Variants in SLC9A8 observed in about 807,000 individuals in gnomAD.
SLC9A8 encodes solute carrier family 9 member A8.
Under a neutral mutation model 66.6 loss-of-function variants are expected in SLC9A8, and 48 were observed. That is an observed-to-expected ratio of 0.72 (90% CI 0.57 to 0.92). The LOEUF is 0.92. Ranked by LOEUF, SLC9A8 falls within the 40% of genes least tolerant of loss-of-function variation. SLC9A8 has a pLI of 0.00. For synonymous variants in SLC9A8, 274 were observed against 282.6 expected (o/e 0.97, Z 0.31); for missense variants, 599 against 747.3 (o/e 0.80, Z 2.31).
Position 49,887,161 on chromosome 20 carries a change from T to C in SLC9A8, c.1638+263T>C, listed in dbSNP as rs532321373. On this transcript the variant is annotated intron_variant, in intron 15 of 15. Coordinates refer to ENST00000361573, the MANE Select transcript of SLC9A8 (RefSeq NM_015266.3). ...GTTTTCCTGGATGATAGACTCGGGG[T>C]ATTGATCAGCTACTGAATCGGAGCT... Among the ~76,000 whole-genome samples, 84 of 152,268 alleles carry C rather than the reference T, an allele frequency of 5.5e-4. 1 individual carries two copies. The highest frequency in any genetic ancestry group is 1.8e-3 in the African/African-American group (76 of 41,554).
intron 2 of SLC9A8, among the ~76,000 whole-genome samples, chr20:49,816,306 G>A (rs1236120644): frequency 6.6e-6 from 1 of 151,942 alleles, no homozygotes; most frequent in Admixed American, 6.6e-5. Flanking sequence ...TGTAATCCCC[G>A]CTACTCAGGA....
chr20:49,871,764 C>T (rs2089215313), intron 10 of SLC9A8, among the ~76,000 whole-genome samples: 1 of 152,152 alleles, frequency 6.6e-6, no homozygotes, highest in South Asian at 2.1e-4. Flanking sequence ...TCCAGATGGC[C>T]CAGTGCCAAC....
At chr20:49,880,144 G>T (rs1182493588) in intron 12 of SLC9A8, among the ~76,000 whole-genome samples, 1 of 151,684 alleles carries the variant, frequency 6.6e-6, no homozygotes, top group African/African-American at 2.4e-5. Context: ...CATACCTGTA[G>T]TTCTAGCTAC....
intron 8 of SLC9A8, among the ~76,000 whole-genome samples, chr20:49,862,109 A>G (rs1043023278): frequency 3.0e-5 from 4 of 131,474 alleles, no homozygotes; most frequent in African/African-American, 1.2e-4. Flanking sequence ...TTTTAGCTGC[A>G]CTAATCTTGG....
At chr20:49,827,658 A>G (rs1015824361) in intron 3 of SLC9A8, among the ~76,000 whole-genome samples, 1 of 151,938 alleles carries the variant, frequency 6.6e-6, no homozygotes, top group African/African-American at 2.4e-5. Context: ...TATGGCCAGC[A>G]TCCTCTGTTG....
intron 3 of SLC9A8, among the ~76,000 whole-genome samples, chr20:49,824,504 G>C (rs1683726524): frequency 6.6e-6 from 1 of 152,168 alleles, no homozygotes; most frequent in South Asian, 2.1e-4. Flanking sequence ...CAGTTTTATA[G>C]CTTCTTACAT....
chr20:49,841,954 G>A (rs948167277), intron 4 of SLC9A8, among the ~76,000 whole-genome samples: 1 of 152,158 alleles, frequency 6.6e-6, no homozygotes. Flanking sequence ...TACCCAGGCT[G>A]TTCTCGAGCT....
In SLC9A8 at chr20:49,881,097, G is replaced by T. The variant is rs2089611557; in HGVS notation, c.1270+62G>T. On this transcript the variant is annotated intron_variant, in intron 13 of 15. Transcript: ENST00000361573. The stretch of plus-strand genomic sequence containing the variant: ...CCTGTTAAAAGCACGCCCCATACAG[G>T]GAGAGCTGTGGTTCTCTGCTAGCGC... 8 of 1,176,964 alleles carry T rather than the reference G, an allele frequency of 6.8e-6. No homozygotes were observed. In the Admixed American group the frequency reaches 1.4e-4, roughly 20 times the overall value. The allele number at this position is 1,176,964 out of a possible 1,614,324, so 72.9% of individuals were successfully genotyped here.
At chr20:49,862,328 C>T (rs2088777210) in intron 8 of SLC9A8, among the ~76,000 whole-genome samples, 1 of 152,034 alleles carries the variant, frequency 6.6e-6, no homozygotes, top group South Asian at 2.1e-4. Context: ...GTTGTGCGAT[C>T]TTGGCCCACT....
At chr20:49,866,975 T>C (rs536192742) in intron 10 of SLC9A8, among the ~76,000 whole-genome samples, 1 of 152,332 alleles carries the variant, frequency 6.6e-6, no homozygotes, top group South Asian at 2.1e-4. Context: ...CTTCCATTTC[T>C]CTCTTCATCA....
chr20:49,878,046 T>G lies in SLC9A8; in HGVS notation c.1141T>G (p.Phe381Val). 1 of 1,602,672 alleles carries G rather than the reference T, an allele frequency of 6.2e-7. No individual in the cohort carries two copies. The highest frequency in any genetic ancestry group is 8.5e-7 in the Non-Finnish European group (1 of 1,175,936). ...FSFPHKFEIS[F>V]VIWCIVLVLF... ...TTTTCCTCACAAGTTTGAAATTTCC[T>G]TTGTCATCTGGTGCATAGTAAGTAT... Residue 381 changes from phenylalanine to valine, a missense_variant, in exon 12 of 16, where the codon TTT (phenylalanine) becomes GTT (valine). This residue lies in a region of SLC9A8 where 467 missense variants were observed against 626.5 expected (regional missense o/e 0.75). Coordinates refer to ENST00000361573, the MANE Select transcript of SLC9A8 (RefSeq NM_015266.3).
intron 4 of SLC9A8, among the ~76,000 whole-genome samples, chr20:49,843,977 C>T (rs1029220906): frequency 1.3e-5 from 2 of 152,010 alleles, no homozygotes; most frequent in Non-Finnish European, 2.9e-5. Flanking sequence ...CCTCTCTTGC[C>T]ATGGATCTCT....
chr20:49,878,351 GT>G (rs1489934428), intron 12 of SLC9A8, among the ~76,000 whole-genome samples: 1 of 152,126 alleles, frequency 6.6e-6, no homozygotes, highest in Non-Finnish European at 1.5e-5. Flanking sequence ...AGGTTTGTAA[GT>G]TTTTGTGTGA....
intron 3 of SLC9A8, among the ~76,000 whole-genome samples, chr20:49,826,434 C>T (rs1383332235): frequency 2.6e-5 from 4 of 152,302 alleles, no homozygotes; most frequent in Non-Finnish European, 5.9e-5. Flanking sequence ...TTTTCCTCTC[C>T]TGCCAGAAGT....
At chr20:49,883,488 C>G (rs556221129) in intron 13 of SLC9A8, among the ~76,000 whole-genome samples, 1 of 152,312 alleles carries the variant, frequency 6.6e-6, no homozygotes, top group African/African-American at 2.4e-5. Context: ...ACACTGAGCA[C>G]CTGCCCAGGC....
chr20:49,884,289 G>GACACACACACACACACACACACAC (rs1176516884), intron 14 of SLC9A8: 3 of 38,770 alleles, frequency 7.7e-5, no homozygotes, highest in Non-Finnish European at 1.6e-4. Context: ...ACACACACAC[G>GACACACACACACACACACACACAC]ACACACACAC....
At chr20:49,866,203 G>C (rs1332906804) in intron 10 of SLC9A8, among the ~76,000 whole-genome samples, 1 of 152,166 alleles carries the variant, frequency 6.6e-6, no homozygotes, top group Non-Finnish European at 1.5e-5. Context: ...GTAGTCTTTT[G>C]TGTCTCCTCT....
At chr20:49,830,510 G>A (rs551494544) in intron 3 of SLC9A8, 19 of 728,324 alleles carry the variant, frequency 2.6e-5, no homozygotes, top group Admixed American at 4.3e-5. Flanking sequence ...ACATGTCAAC[G>A]GTGGACGCTG....
At chr20:49,821,210 T>C (rs2086727503) in intron 2 of SLC9A8, among the ~76,000 whole-genome samples, 1 of 152,218 alleles carries the variant, frequency 6.6e-6, no homozygotes. Context: ...TTTGATCTAT[T>C]TATGAGAATA....
Sources: gnomAD v4.1 joint callset for allele counts (sites outside exome capture counted in the v4.1 genomes callset) on GRCh38, gnomAD v4.1.1 for gene constraint, gnomAD v4.1.1 regional missense constraint, MANE v1.5 for transcripts, NCBI Gene and HGNC (gene_info 2026-07-23, HGNC 2026-07-21) for gene names.